The following GJC1 variants were observed in gnomAD, a reference collection of about 807,000 sequenced individuals.
The protein encoded by GJC1 is gap junction gamma-1 protein.
In GJC1, 5 loss-of-function variants were observed where a neutral mutation model predicts 29.3. The ratio of observed to expected loss-of-function variants is 0.17; its 90% CI spans 0.09 to 0.36. The LOEUF is 0.36. Among genes scored for constraint, GJC1 ranks in the 10% least tolerant of loss-of-function variants. The pLI is 1.00. For synonymous variants in GJC1, 177 were observed against 183.3 expected, an observed-to-expected ratio of 0.97 and a Z score of 0.28; for missense variants, 310 against 496.2, an observed-to-expected ratio of 0.62 and a Z score of 3.56.
At chr17:44,821,730 A>AAAAAC (rs1567714307) in intron 1 of GJC1, among the ~76,000 whole-genome samples, 6 of 141,394 alleles carry the variant, frequency 4.2e-5, no homozygotes, top group Non-Finnish European at 4.6e-5. Context: ...AAAAAACAAC[A>AAAAAC]AAAAAACACC....
rs1343296686 is a variant in GJC1, at chr17:44,821,710, A to C, written c.-97+8352T>G. ...GAAACTCCGTCTCAAAAAAAAAAAA[A>C]AAAAAAAAAAAAAAACAACAAAAAA... is the stretch of plus-strand genomic sequence containing the variant. On this transcript the variant is annotated intron_variant, in intron 1 of 2. Transcript: ENST00000592524. Among the ~76,000 whole-genome samples the C allele has an allele frequency of 5.9e-3, 874 of 148,052 alleles. 19 individuals carry two copies. Among genetic ancestry groups the C allele is most frequent in the African/African-American group, 0.021 (836 of 40,220 alleles).
chr17:44,824,692 C>A (rs1427833087), intron 1 of GJC1, among the ~76,000 whole-genome samples: 1 of 151,678 alleles, frequency 6.6e-6, no homozygotes, highest in African/African-American at 2.4e-5. Flanking sequence ...CGCCAGTAGT[C>A]CCAATTACTT....
At chr17:44,830,560 A>AT (rs1226097309), upstream of GJC1, 2 of 397,912 alleles carry the variant, frequency 5.0e-6, no homozygotes, top group East Asian at 3.6e-5. This position sits in a 1 kb window ranked among gnomAD's most constrained non-coding sequence, Gnocchi z 4.3. Context: ...TTCCAAGCTG[A>AT]TTTTCGGGCG....
chr17:44,811,380 CCTT>C (rs2049979109), intron 1 of GJC1, among the ~76,000 whole-genome samples: 1 of 150,262 alleles, frequency 6.7e-6, no homozygotes, highest in African/African-American at 2.5e-5. Flanking sequence ...CTGCACCTGG[CCTT>C]TTTTCTTTTT....
intron 1 of GJC1, among the ~76,000 whole-genome samples, chr17:44,808,424 C>T (rs2049935795): frequency 8.2e-6 from 1 of 121,374 alleles, no homozygotes; most frequent in Admixed American, 9.5e-5. Flanking sequence ...AACACCCTGT[C>T]TCTTACACAC....
intron 1 of GJC1, among the ~76,000 whole-genome samples, chr17:44,819,232 T>C (rs1334909103): frequency 2.0e-5 from 3 of 152,140 alleles, no homozygotes; most frequent in Non-Finnish European, 4.4e-5. Flanking sequence ...CAATCACCAT[T>C]CTACTTTCTC....
chr17:44,824,927 A>C (rs562006826), intron 1 of GJC1, among the ~76,000 whole-genome samples: 56 of 151,228 alleles, frequency 3.7e-4, no homozygotes, highest in Non-Finnish European at 7.5e-4. Flanking sequence ...AAAAAAAAAA[A>C]AAAACGTTGG....
intron 1 of GJC1, among the ~76,000 whole-genome samples, chr17:44,812,704 G>A (rs2049998048): frequency 6.6e-6 from 1 of 151,730 alleles, no homozygotes; most frequent in Non-Finnish European, 1.5e-5. Context: ...CTGGAGTGCA[G>A]TGGCACAATC....
chr17:44,821,724 A>C (rs1484494382), intron 1 of GJC1, among the ~76,000 whole-genome samples: 1 of 129,828 alleles, frequency 7.7e-6, no homozygotes, highest in Non-Finnish European at 1.7e-5. Context: ...AAAAAAAAAA[A>C]ACAACAAAAA....
At chr17:44,822,662 A>G (rs1332736501) in intron 1 of GJC1, among the ~76,000 whole-genome samples, 1 of 151,086 alleles carries the variant, frequency 6.6e-6, no homozygotes, top group Admixed American at 6.6e-5. Context: ...AAAAAAAAAA[A>G]AAGAGTCCAG....
chr17:44,819,902 G>C (rs1262500641), intron 1 of GJC1, among the ~76,000 whole-genome samples: 3 of 151,870 alleles, frequency 2.0e-5, no homozygotes, highest in African/African-American at 7.3e-5. Flanking sequence ...TCGTCACCCA[G>C]GCTGTAGTGC....
rs1156520387 is a variant in GJC1 at position 44,816,976 on chromosome 17, C to T, written c.-96-9507G>A. Among the ~76,000 whole-genome samples, 9 of 149,990 alleles carry T rather than the reference C, an allele frequency of 6.0e-5. No individual in the cohort carries two copies. The East Asian group carries it at 6.1e-4, about 10-fold the overall frequency. ...CTGTAATCCCAGCACTTTGGGAGGC[C>T]AAGGCGGGCGGATCACCTGAAGTCA... On this transcript the variant is annotated intron_variant, in intron 1 of 2. Coordinates refer to ENST00000592524, the MANE Select transcript of GJC1 (RefSeq NM_005497.4).
At chr17:44,822,183 C>A (rs1332394640) in intron 1 of GJC1, among the ~76,000 whole-genome samples, 4 of 107,562 alleles carry the variant, frequency 3.7e-5, no homozygotes, top group Admixed American at 1.4e-4. Flanking sequence ...GGAGACAGAT[C>A]GAGACTCCGT....
At position 44,805,706 on chromosome 17, in the gene GJC1, C is replaced by G. The variant is rs1442816591; in HGVS notation, c.112G>C (p.Val38Leu). The change falls in exon 3 of 3, where the codon GTA (valine) becomes CTA (leucine). Residue 38 changes from valine to leucine, a missense_variant. Coordinates refer to ENST00000592524, the MANE Select transcript of GJC1 (RefSeq NM_005497.4). This position sits in a 1 kb window ranked among gnomAD's most constrained non-coding sequence, Gnocchi z 5.1. ...LIVFRIVLTAVGGESIYYDEQ... is the reference protein window; with the variant it reads ...LIVFRIVLTALGGESIYYDEQ... ...TCGTAATAGATGGATTCTCCTCCTA[C>G]AGCTGTAAGGACGATCCGGAAGACA... is the stretch of plus-strand genomic sequence containing the variant. The G allele has an allele frequency of 6.2e-7, 1 of 1,614,050 alleles. No individual in the cohort carries two copies. The highest frequency in any genetic ancestry group is 8.5e-7 in the Non-Finnish European group (1 of 1,179,886).
chr17:44,822,827 T>TA (rs1042919431), intron 1 of GJC1, among the ~76,000 whole-genome samples: 8 of 151,704 alleles, frequency 5.3e-5, no homozygotes, highest in African/African-American at 1.5e-4. Flanking sequence ...GCAGCCAGGA[T>TA]AAAAAAAGAG....
Position 44,802,857 on chromosome 17 carries a change from G to A in GJC1, c.*1770C>T, listed in dbSNP as rs1315198142. Reference sequence around the variant, plus strand: ...AAAAAAAATTTTTAAAACAGAATTAGCCGAGTATGGTGGCACATGCCTGTA... The same window carrying A: ...AAAAAAAATTTTTAAAACAGAATTAACCGAGTATGGTGGCACATGCCTGTA... On this transcript the variant is annotated 3_prime_UTR_variant, in exon 3 of 3. Transcript: ENST00000592524. 2 of 152,080 alleles carry A rather than the reference G, an allele frequency of 1.3e-5. No homozygotes were observed. The highest frequency in any genetic ancestry group is 2.9e-5 in the Non-Finnish European group (2 of 68,028). 9.4% of individuals were successfully genotyped at this position (152,080 alleles called of 1,614,324 possible).
intron 1 of GJC1, among the ~76,000 whole-genome samples, chr17:44,815,387 T>A (rs547459539): frequency 6.6e-6 from 1 of 152,260 alleles, no homozygotes; most frequent in East Asian, 1.9e-4. Flanking sequence ...TGAGTTTATA[T>A]CTATAAATTC....
chr17:44,805,003 G>A lies in GJC1; in HGVS notation c.815C>T (p.Pro272Leu), dbSNP rs780409355. 13 of 1,613,812 alleles carry A rather than the reference G, an allele frequency of 8.1e-6. No homozygotes were observed. Among genetic ancestry groups the A allele is most frequent in the South Asian group, 2.2e-5 (2 of 91,084 alleles). Residue 272 changes from proline to leucine, a missense_variant, in exon 3 of 3, where the codon CCG becomes CTG. By Grantham distance (98) the Pro-to-Leu change is moderately conservative. Coordinates refer to ENST00000592524, the MANE Select transcript of GJC1 (RefSeq NM_005497.4). This position sits in a 1 kb window ranked among gnomAD's most constrained non-coding sequence, Gnocchi z 5.1. ...LNSKRRELEDPGAYNYPFTWN... is the reference protein window; with the variant it reads ...LNSKRRELEDLGAYNYPFTWN... The stretch of plus-strand genomic sequence containing the variant: ...AGTGAAAGGATAATTATAAGCACCC[G>A]GATCCTCAAGTTCCCTCCTTTTACT...
At chr17:44,826,674 T>TA in intron 1 of GJC1, among the ~76,000 whole-genome samples, 1 of 152,162 alleles carries the variant, frequency 6.6e-6, no homozygotes, top group East Asian at 1.9e-4. Context: ...ACAGTACTTG[T>TA]AAAATTCAAG....
Sources: gnomAD v4.1 joint callset for allele counts (sites outside exome capture counted in the v4.1 genomes callset) on GRCh38, gnomAD v4.1.1 for gene constraint, Gnocchi (gnomAD v3.1) non-coding constraint, MANE v1.5 for transcripts, NCBI Gene and HGNC (gene_info 2026-07-23, HGNC 2026-07-21) for gene names.